The following SPECC1 variants were observed in gnomAD, a reference collection of about 807,000 sequenced individuals.
SPECC1 encodes the protein cytospin-B.
A neutral mutation model predicts 104.1 loss-of-function variants in SPECC1; 62 were observed. The observed-to-expected ratio is 0.60, with a 90% CI of 0.49 to 0.74. SPECC1 has a LOEUF of 0.74. Among genes scored for constraint, SPECC1 ranks in the 30% least tolerant of loss-of-function variants. The pLI is 0.00. For missense variants in SPECC1, 1,306 were observed against 1,310.5 expected, an observed-to-expected ratio of 1.00 and a Z score of 0.05; for synonymous variants, 513 against 501.6, an observed-to-expected ratio of 1.02 and a Z score of -0.30.
intron 1 of SPECC1, among the ~76,000 whole-genome samples, chr17:20,051,064 TTCTTTTTCTTTCTTTC>T (rs2045724877): frequency 4.6e-5 from 6 of 129,634 alleles, no homozygotes; most frequent in African/African-American, 1.1e-4. Flanking sequence ...CTTTCTTTCT[TTCTTTTTCTTTCTTTC>T]TTTCTTTCTT....
At chr17:20,313,825 T>C (rs1211295331) in intron 14 of SPECC1, 151 bp from the exon 15 acceptor site, 1 of 666,134 alleles carries the variant, frequency 1.5e-6, no homozygotes, top group Non-Finnish European at 2.6e-6. Flanking sequence ...ACTCATCGCT[T>C]TCAGCACCAC....
chr17:20,186,283 A>G (rs1207029469), intron 3 of SPECC1, among the ~76,000 whole-genome samples: 1 of 152,240 alleles, frequency 6.6e-6, no homozygotes, highest in Non-Finnish European at 1.5e-5. Context: ...TGTTTACACT[A>G]TATTGTAGTC....
intron 1 of SPECC1, among the ~76,000 whole-genome samples, chr17:20,032,126 G>A (rs114750051): frequency 8.6e-5 from 13 of 151,002 alleles, no homozygotes; most frequent in African/African-American, 3.2e-4. Flanking sequence ...TATTATTGTG[G>A]TTCTTTTATA....
chr17:20,025,036 G>T (rs560159847), intron 1 of SPECC1, among the ~76,000 whole-genome samples: 1 of 152,322 alleles, frequency 6.6e-6, no homozygotes, highest in Non-Finnish European at 1.5e-5. Context: ...ATGACTATAA[G>T]TTTAGCCTAG....
intron 1 of SPECC1, among the ~76,000 whole-genome samples, chr17:20,053,193 ATAGT>A (rs2045838963): frequency 6.6e-6 from 1 of 152,156 alleles, no homozygotes; most frequent in African/African-American, 2.4e-5. Context: ...CTCTAACTCA[ATAGT>A]TAAAGTTCCT....
chr17:20,114,029 A>G (rs2048627866), intron 3 of SPECC1, among the ~76,000 whole-genome samples: 1 of 152,252 alleles, frequency 6.6e-6, no homozygotes, highest in East Asian at 1.9e-4. Context: ...AATTGCTGCT[A>G]GAACCCTACA....
chr17:20,041,215 A>G (rs759712833), intron 1 of SPECC1, among the ~76,000 whole-genome samples: 1 of 151,944 alleles, frequency 6.6e-6, no homozygotes, highest in African/African-American at 2.4e-5. Context: ...GTATTTTTCA[A>G]TTCTAAAATT....
In SPECC1 at chr17:20,281,347, T is replaced by A. The variant is rs73307278; in HGVS notation, c.2941-15614T>A. Among the ~76,000 whole-genome samples the A allele has an allele frequency of 6.9e-3, 1,056 of 152,332 alleles. 6 individuals are homozygous for A. The highest frequency in any genetic ancestry group is 0.023 in the African/African-American group (942 of 41,568). The stretch of plus-strand genomic sequence containing the variant: ...GGCTCCCAGAACTCCATGAGGAATC[T>A]TGCAGTGGCTCGCCCTTTCCTGAAG... On this transcript the variant is annotated intron_variant, in intron 12 of 14. Coordinates refer to ENST00000395527, the MANE Select transcript of SPECC1 (RefSeq NM_001243439.2).
chr17:20,227,444 T>A lies in SPECC1; in HGVS notation c.1895T>A (p.Ile632Lys). Residue 632 changes from isoleucine to lysine, a missense_variant, in exon 5 of 15, where the codon ATA (isoleucine) becomes AAA (lysine). By Grantham distance (102) the Ile-to-Lys change is moderately radical. Around this residue, in one of 2 missense-constraint regions of SPECC1, gnomAD observed 1,177 missense variants for 1,139.9 expected, o/e 1.03. Coordinates refer to ENST00000395527, the MANE Select transcript of SPECC1 (RefSeq NM_001243439.2). ...AAGGATTATTCATACCTGAAGGAGA[T>A]ATGTGATCACCAAGCCGAACAGCTG... ...VEKDYSYLKEICDHQAEQLSR... is the reference protein window; with the variant it reads ...VEKDYSYLKEKCDHQAEQLSR... 6.2e-7 allele frequency: 1 copy of A among 1,613,374 alleles called. No individual in the cohort carries two copies. The highest frequency in any genetic ancestry group is 8.5e-7 in the Non-Finnish European group (1 of 1,179,764).
chr17:20,133,909 C>CT, intron 3 of SPECC1, among the ~76,000 whole-genome samples: 2 of 152,224 alleles, frequency 1.3e-5, no homozygotes, highest in African/African-American at 4.8e-5. Context: ...CAGACGCACT[C>CT]TTTTTTGTTT....
chr17:20,293,162 A>AGG (rs1384299833), intron 12 of SPECC1, among the ~76,000 whole-genome samples: 1 of 151,694 alleles, frequency 6.6e-6, no homozygotes, highest in African/African-American at 2.4e-5. Flanking sequence ...GCTTGAAATA[A>AGG]CCCTCAAGAA....
intron 11 of SPECC1, among the ~76,000 whole-genome samples, chr17:20,259,233 A>G (rs186641328): frequency 5.3e-5 from 8 of 152,334 alleles, no homozygotes; most frequent in African/African-American, 1.4e-4. Context: ...CAGATACTAC[A>G]TATTGTCCTG....
chr17:20,225,193 T>A (rs943591309), intron 4 of SPECC1, among the ~76,000 whole-genome samples: 2 of 152,182 alleles, frequency 1.3e-5, no homozygotes, highest in Non-Finnish European at 2.9e-5. Flanking sequence ...TACTCTTCCC[T>A]CTCCGCCCAG....
chr17:20,296,523 T>A (rs901374298), intron 12 of SPECC1, among the ~76,000 whole-genome samples: 1 of 152,114 alleles, frequency 6.6e-6, no homozygotes, highest in Non-Finnish European at 1.5e-5. Flanking sequence ...TGGTTCCATA[T>A]GAACTTTAAA....
Position 20,204,480 on chromosome 17 carries a change from C to T in SPECC1, c.431C>T (p.Thr144Met), listed in dbSNP as rs374473392. Residue 144 changes from threonine (T) to methionine (M), a missense_variant, in exon 4 of 15, where the codon ACG (threonine) becomes ATG (methionine). Transcript: ENST00000395527. Reference sequence around the variant, plus strand: ...ACTTCTTCCAACACTCCCACTCCTACGAAACACCTGAGGACCCCTTCCACA... The same window carrying T: ...ACTTCTTCCAACACTCCCACTCCTATGAAACACCTGAGGACCCCTTCCACA... The part of the protein sequence containing the change: ...SPTSSNTPTP[T>M]KHLRTPSTKP... The T allele has an allele frequency of 1.5e-5, 24 of 1,613,928 alleles. No homozygotes were observed. The highest frequency in any genetic ancestry group is 1.6e-4 in the Middle Eastern group (1 of 6,084).
At chr17:20,132,901 A>G (rs2049728012) in intron 3 of SPECC1, among the ~76,000 whole-genome samples, 1 of 151,708 alleles carries the variant, frequency 6.6e-6, no homozygotes, top group Non-Finnish European at 1.5e-5. Flanking sequence ...CACCATGCCC[A>G]GCTAATTTTT....
chr17:20,301,825 C>T (rs1475058774), intron 13 of SPECC1, among the ~76,000 whole-genome samples: 1 of 152,084 alleles, frequency 6.6e-6, no homozygotes, highest in African/African-American at 2.4e-5. Context: ...CCTGCCTCAA[C>T]CTCTCGAGTA....
chr17:20,236,787 C>T (rs1486495266), intron 7 of SPECC1: 16 of 1,582,708 alleles, frequency 1.0e-5, no homozygotes, highest in South Asian at 2.2e-5. Flanking sequence ...GAAATTCTTG[C>T]GTTTGTGAAC....
intron 3 of SPECC1, among the ~76,000 whole-genome samples, chr17:20,179,856 T>G (rs2034746753): frequency 6.6e-6 from 1 of 152,194 alleles, no homozygotes; most frequent in Non-Finnish European, 1.5e-5. Context: ...GGCTGAAGAT[T>G]CAGAATGTAA....
Sources: gnomAD v4.1 joint callset for allele counts (sites outside exome capture counted in the v4.1 genomes callset) on GRCh38, gnomAD v4.1.1 for gene constraint, gnomAD v4.1.1 regional missense constraint, MANE v1.5 for transcripts, NCBI Gene and HGNC (gene_info 2026-07-23, HGNC 2026-07-21) for gene names.